Variants in VAT1L observed in about 807,000 individuals in gnomAD.
The protein encoded by VAT1L is putative NADPH-dependent quinone oxidoreductase VAT1L.
In VAT1L, 34 loss-of-function variants were observed where a neutral mutation model predicts 44.1. The ratio of observed to expected loss-of-function variants is 0.77; its 90% CI spans 0.59 to 1.03. VAT1L has a LOEUF of 1.03. Among genes scored for constraint, VAT1L ranks in the 50% least tolerant of loss-of-function variants. The pLI is 0.00. For synonymous variants in VAT1L, 253 were observed against 202.2 expected (o/e 1.25, Z -2.13); for missense variants, 615 against 538.8 (o/e 1.14, Z -1.40).
intron 1 of VAT1L, among the ~76,000 whole-genome samples, chr16:77,796,089 G>C (rs1313613711): frequency 6.6e-6 from 1 of 152,132 alleles, no homozygotes; most frequent in Non-Finnish European, 1.5e-5. Flanking sequence ...GCCTCCCAAA[G>C]TGCTGGGATT....
intron 2 of VAT1L, among the ~76,000 whole-genome samples, chr16:77,818,738 C>T (rs12922936): frequency 0.29 from 44,124 of 152,108 alleles, 7,677 homozygotes; most frequent in Non-Finnish European, 0.39. Context: ...CCATTAAACT[C>T]TCTCCCTTCC....
At position 77,825,293 on chromosome 16, in the gene VAT1L, G is replaced by A. The variant is rs564491726; in HGVS notation, c.411G>A (p.Glu137=). 6.2e-7 allele frequency: 1 copy of A among 1,614,192 alleles called. No individual in the cohort carries two copies. The highest frequency in any genetic ancestry group is 1.1e-5 in the South Asian group (1 of 91,076). Reference sequence around the variant, plus strand: ...TTGTCAATTACAATGCCTGGGCAGAGGTGGTCTGCACACCAGTGGAGTTTG... The same window carrying A: ...TTGTCAATTACAATGCCTGGGCAGAAGTGGTCTGCACACCAGTGGAGTTTG... ...MAFVNYNAWA[E]VVCTPVEFVY... is the part of the protein sequence containing the mutation. The change falls in exon 3 of 9, where the codon GAG becomes GAA. Residue 137 remains glutamate, a synonymous_variant. Transcript: ENST00000302536.
intron 4 of VAT1L, among the ~76,000 whole-genome samples, chr16:77,871,215 C>T (rs984177737): frequency 2.0e-5 from 3 of 152,098 alleles, no homozygotes; most frequent in African/African-American, 7.2e-5. Flanking sequence ...CCTCAGAATC[C>T]ACCTCCCCTA....
intron 8 of VAT1L, among the ~76,000 whole-genome samples, chr16:77,972,610 G>T (rs911438762): frequency 1.3e-5 from 2 of 151,872 alleles, no homozygotes; most frequent in East Asian, 1.9e-4. Flanking sequence ...GTGAAACCCC[G>T]TCTCTACTAA....
chr16:77,795,852 G>GT (rs1358014802), intron 1 of VAT1L, among the ~76,000 whole-genome samples: 2 of 115,664 alleles, frequency 1.7e-5, no homozygotes, highest in African/African-American at 3.3e-5. Flanking sequence ...TTGAGACAGA[G>GT]TTTTGCACTG....
chr16:77,840,544 A>T (rs9926333), intron 3 of VAT1L, among the ~76,000 whole-genome samples: 2,634 of 152,262 alleles, frequency 0.017, 73 homozygotes, highest in African/African-American at 0.061. Flanking sequence ...TTTATTTTGT[A>T]TCCATAAAAT....
At chr16:77,958,423 T>A (rs436432) in intron 7 of VAT1L, among the ~76,000 whole-genome samples, 1 of 151,892 alleles carries the variant, frequency 6.6e-6, no homozygotes, top group African/African-American at 2.4e-5. Flanking sequence ...CTCCATAAGC[T>A]AAAGTACCTC....
chr16:77,801,665 C>A (rs113605040), intron 1 of VAT1L: 7 of 151,056 alleles, frequency 4.6e-5, no homozygotes, highest in South Asian at 2.1e-4. Context: ...CCAACACAGG[C>A]ACACTTGTAC....
rs943923282 is a variant in VAT1L at position 77,805,396 on chromosome 16, T to G, written c.234-11525T>G. 2.0e-5 allele frequency among the ~76,000 whole-genome samples: 3 copies of G among 152,172 alleles called. No homozygotes were observed. The East Asian group carries it at 5.8e-4, about 29-fold the overall frequency. ...TTCCTAAGCATTTTCAAGTTTTCAG[T>G]TGAGATTAAGAAACAAAAACAAAAG... On this transcript the variant is annotated intron_variant, in intron 1 of 8. Transcript: ENST00000302536.
At chr16:77,825,162 T>C (rs1010663618) in intron 2 of VAT1L, 84 bp from the exon 3 acceptor site, 14 of 1,492,530 alleles carry the variant, frequency 9.4e-6, no homozygotes, top group African/African-American at 1.4e-5. Context: ...CCACAGCGCC[T>C]GGCCAGCTCC....
At chr16:77,971,537 C>T (rs1050092128) in intron 7 of VAT1L, among the ~76,000 whole-genome samples, 3 of 152,166 alleles carry the variant, frequency 2.0e-5, no homozygotes, top group Middle Eastern at 6.3e-3. Flanking sequence ...TGCACCCTGC[C>T]ACCCTGCAGC....
intron 7 of VAT1L, among the ~76,000 whole-genome samples, chr16:77,955,238 GC>G (rs2018089635): frequency 6.6e-6 from 1 of 152,216 alleles, no homozygotes; most frequent in South Asian, 2.1e-4. Context: ...AACTGGAGGT[GC>G]TTTTGCCTCC....
intron 7 of VAT1L, among the ~76,000 whole-genome samples, chr16:77,899,447 C>G (rs953319957): frequency 6.6e-6 from 1 of 152,364 alleles, no homozygotes; most frequent in Non-Finnish European, 1.5e-5. Flanking sequence ...TCAAACCTTT[C>G]TGCATCTGTA....
At chr16:77,971,596 T>A (rs879095844) in intron 7 of VAT1L, among the ~76,000 whole-genome samples, 4 of 152,174 alleles carry the variant, frequency 2.6e-5, no homozygotes, top group Admixed American at 2.6e-4. Context: ...TTTTAAGGAA[T>A]GTTCATCTAC....
At chr16:77,923,896 C>T (rs1049332304) in intron 7 of VAT1L, among the ~76,000 whole-genome samples, 1 of 152,200 alleles carries the variant, frequency 6.6e-6, no homozygotes, top group African/African-American at 2.4e-5. Context: ...ATTTGTCAAG[C>T]TGACTGTCTC....
intron 7 of VAT1L, among the ~76,000 whole-genome samples, chr16:77,903,944 G>A (rs2142478809): frequency 6.6e-6 from 1 of 151,928 alleles, no homozygotes; most frequent in East Asian, 1.9e-4. Flanking sequence ...CACCATGTTA[G>A]CAAGGATGGT....
chr16:77,969,129 A>T (rs1216579970), intron 7 of VAT1L, among the ~76,000 whole-genome samples: 1 of 152,156 alleles, frequency 6.6e-6, no homozygotes, highest in Admixed American at 6.5e-5. Flanking sequence ...TGATATTATT[A>T]TCTTTAAAGC....
At chr16:77,923,193 G>A (rs939169120) in intron 7 of VAT1L, among the ~76,000 whole-genome samples, 2 of 152,234 alleles carry the variant, frequency 1.3e-5, no homozygotes, top group African/African-American at 4.8e-5. Context: ...GCTCACGCCT[G>A]TAATTGCAGC....
At chr16:77,894,608 G>A (rs964044129) in intron 7 of VAT1L, among the ~76,000 whole-genome samples, 1 of 152,112 alleles carries the variant, frequency 6.6e-6, no homozygotes, top group African/African-American at 2.4e-5. Context: ...TCTTTTTGGA[G>A]AGATAAAAAT....
Sources: gnomAD v4.1 joint callset for allele counts (sites outside exome capture counted in the v4.1 genomes callset) on GRCh38, gnomAD v4.1.1 for gene constraint, MANE v1.5 for transcripts, NCBI Gene and HGNC (gene_info 2026-07-23, HGNC 2026-07-21) for gene names.